Variants in RIC1 observed in about 807,000 individuals in gnomAD.
RIC1 encodes guanine nucleotide exchange factor subunit RIC1.
RIC1 carries 88 observed loss-of-function variants against 169.0 expected under a neutral mutation model. The ratio of observed to expected loss-of-function variants is 0.52; its 90% CI spans 0.44 to 0.62. The LOEUF is 0.62. Among genes scored for constraint, RIC1 ranks in the 20% least tolerant of loss-of-function variants. The pLI, the probability that RIC1 is intolerant of heterozygous loss-of-function variation, is 0.00. For synonymous variants in RIC1, 790 were observed against 601.5 expected (o/e 1.31, Z -4.59); for missense variants, 1,877 against 1,725.5 (o/e 1.09, Z -1.56).
intron 3 of RIC1, among the ~76,000 whole-genome samples, chr9:5,705,347 T>C (rs1586983579): frequency 6.6e-6 from 1 of 152,136 alleles, no homozygotes; most frequent in South Asian, 2.1e-4. Context: ...CTTAATTTAT[T>C]TACGCATACA....
At chr9:5,726,715 T>C (rs1020329115) in intron 6 of RIC1, among the ~76,000 whole-genome samples, 1 of 152,242 alleles carries the variant, frequency 6.6e-6, no homozygotes, top group African/African-American at 2.4e-5. Flanking sequence ...CCATATTTAG[T>C]GCTTCCTTCA....
chr9:5,629,330 G>A lies in RIC1; in HGVS notation c.21G>A (p.Trp7Ter). 6.5e-7 allele frequency: 1 copy of A among 1,529,510 alleles called. No individual in the cohort carries two copies. Among genetic ancestry groups the A allele is most frequent in the East Asian group, 2.5e-5 (1 of 40,072 alleles). The allele number at this position is 1,529,510 out of a possible 1,614,324, so 94.7% of individuals were successfully genotyped here. The change falls in exon 1 of 26, where the codon TGG becomes TGA. Residue 7 changes from tryptophan (W) to a stop codon, truncating the protein, a stop_gained. Coordinates refer to ENST00000414202, the MANE Select transcript of RIC1 (RefSeq NM_020829.4). LOFTEE classifies it high-confidence loss of function. ...GGACCATGTATTTTCTGAGCGGCTG[G>A]CCCAAGAGGCTGCTGTGCCCTCTGG... MYFLSG[W>*]PKRLLCPLGS... is the part of the protein sequence containing the mutation.
intron 2 of RIC1, among the ~76,000 whole-genome samples, chr9:5,661,836 T>G (rs1819469815): frequency 6.6e-6 from 1 of 152,200 alleles, no homozygotes; most frequent in Non-Finnish European, 1.5e-5. Context: ...TTCTCTTGCC[T>G]GATTGCCCCA....
chr9:5,750,601 T>A (rs2131021318), intron 12 of RIC1, among the ~76,000 whole-genome samples: 1 of 151,824 alleles, frequency 6.6e-6, no homozygotes, highest in South Asian at 2.1e-4. Flanking sequence ...TTTAGCAGAG[T>A]TACTTTAAAA....
chr9:5,736,001 C>A (rs919590607), intron 7 of RIC1, among the ~76,000 whole-genome samples: 1 of 152,088 alleles, frequency 6.6e-6, no homozygotes, highest in African/African-American at 2.4e-5. Context: ...TTACATTGGG[C>A]TGGTGAGAAA....
At chr9:5,714,543 T>A (rs1183593292) in intron 4 of RIC1, among the ~76,000 whole-genome samples, 2 of 152,234 alleles carry the variant, frequency 1.3e-5, no homozygotes, top group East Asian at 3.8e-4. Context: ...CCACTATTGA[T>A]GTTTTAGTTG....
rs758846599 is a variant in RIC1 at position 5,720,667 on chromosome 9, G to A, written c.637G>A (p.Ala213Thr). 1.2e-6 allele frequency: 2 copies of A among 1,612,214 alleles called. No homozygotes were observed. The highest frequency in any genetic ancestry group is 8.5e-7 in the Non-Finnish European group (1 of 1,179,036). Reference sequence around the variant, plus strand: ...ACACATCAGAGACATGGAATACTGTGCCACACTTGATGGGTTTGCTGTTGT... The same window carrying A: ...ACACATCAGAGACATGGAATACTGTACCACACTTGATGGGTTTGCTGTTGT... ...DVHIRDMEYC[A>T]TLDGFAVVFN... The change falls in exon 6 of 26, where the codon GCC (alanine) becomes ACC (threonine). Residue 213 changes from alanine to threonine, a missense_variant. By Grantham distance (58) the Ala-to-Thr change is moderately conservative. This residue lies in a region of RIC1 where 1,104 missense variants were observed against 992.0 expected (regional missense o/e 1.11). Coordinates refer to ENST00000414202, the MANE Select transcript of RIC1 (RefSeq NM_020829.4).
intron 1 of RIC1, among the ~76,000 whole-genome samples, chr9:5,639,165 C>G (rs1044288829): frequency 6.6e-5 from 10 of 152,290 alleles, no homozygotes; most frequent in African/African-American, 2.2e-4. Context: ...CCTCGGCTCC[C>G]AAAGTGCTAG....
intron 2 of RIC1, among the ~76,000 whole-genome samples, chr9:5,671,983 C>G (rs192810430): frequency 3.9e-5 from 6 of 152,284 alleles, no homozygotes; most frequent in Non-Finnish European, 7.3e-5. Context: ...CAGGGCTTCC[C>G]ATAAAACTCT....
chr9:5,762,713 G>C (rs562840571), intron 18 of RIC1, 53 bp downstream of exon 18: 3 of 1,569,582 alleles, frequency 1.9e-6, no homozygotes, highest in African/African-American at 1.4e-5. Flanking sequence ...TATGGGATGA[G>C]GATGAAGGAA....
At chr9:5,746,111 TAG>T in intron 11 of RIC1, 28 bp downstream of exon 11, 5 of 1,575,080 alleles carry the variant, frequency 3.2e-6, no homozygotes, top group Non-Finnish European at 4.3e-6. Context: ...TCTGATTTTT[TAG>T]TGTCTTTTGT....
In RIC1 at chr9:5,775,729, C is replaced by G. The variant is rs556051330; in HGVS notation, c.*1483C>G. ...TGAAACTGCTTAGTTCAGAATACATCGAAGTATTTAAAATTACTGAGTTGG... is the reference window on the plus strand; with the variant it reads ...TGAAACTGCTTAGTTCAGAATACATGGAAGTATTTAAAATTACTGAGTTGG... On this transcript the variant is annotated 3_prime_UTR_variant, in exon 26 of 26. Coordinates refer to ENST00000414202, the MANE Select transcript of RIC1 (RefSeq NM_020829.4). 6.6e-6 allele frequency: 1 copy of G among 152,240 alleles called. No homozygotes were observed. The highest frequency in any genetic ancestry group is 6.5e-5 in the Admixed American group (1 of 15,286). The allele number at this position is 152,240 out of a possible 1,614,324, so 9.4% of individuals were successfully genotyped here.
At chr9:5,758,741 T>G (rs112348293) in intron 17 of RIC1, among the ~76,000 whole-genome samples, 2,262 of 120,768 alleles carry the variant, frequency 0.019, 16 homozygotes, top group Non-Finnish European at 0.026. Flanking sequence ...TTTTTTTTTT[T>G]GTCCTTTTTT....
At chr9:5,771,896 T>C (rs1490465614) in intron 23 of RIC1, among the ~76,000 whole-genome samples, 2 of 152,134 alleles carry the variant, frequency 1.3e-5, no homozygotes, top group Non-Finnish European at 2.9e-5. Flanking sequence ...CTGAAGAAAA[T>C]CCATGACATA....
At chr9:5,669,533 G>T (rs930156392) in intron 2 of RIC1, among the ~76,000 whole-genome samples, 10 of 152,282 alleles carry the variant, frequency 6.6e-5, no homozygotes, top group African/African-American at 2.4e-4. Context: ...TCCACTTGTT[G>T]ATTGATGGGC....
At chr9:5,666,456 T>C (rs1012806857) in intron 2 of RIC1, among the ~76,000 whole-genome samples, 2 of 152,196 alleles carry the variant, frequency 1.3e-5, no homozygotes, top group African/African-American at 4.8e-5. Flanking sequence ...GGTATCCTTA[T>C]CTTGTTCTTG....
intron 3 of RIC1, chr9:5,712,732 G>A (rs1823008268): frequency 6.6e-6 from 1 of 152,170 alleles, no homozygotes. Context: ...AATCATCACA[G>A]ACTGTGTGTT....
rs150928553 is a variant in RIC1 at position 5,731,686 on chromosome 9, T to G, written c.721-702T>G. On this transcript the variant is annotated intron_variant, in intron 6 of 25. Coordinates refer to ENST00000414202, the MANE Select transcript of RIC1 (RefSeq NM_020829.4). ...AGATGGCATATGGAAATAGCATATA[T>G]GCTTACTAATAATGTCATTTATTTA... Among the ~76,000 whole-genome samples the G allele has an allele frequency of 2.6e-3, 402 of 152,316 alleles. 4 individuals are homozygous for G. Among genetic ancestry groups the G allele is most frequent in the African/African-American group, 9.0e-3 (375 of 41,592 alleles).
intron 23 of RIC1, 128 bp downstream of exon 23, chr9:5,770,406 G>T (rs1003848314): frequency 3.6e-6 from 3 of 836,008 alleles, no homozygotes; most frequent in Admixed American, 3.1e-5. Context: ...ATCCACTGGA[G>T]AGGTAGAAAG....
Sources: gnomAD v4.1 joint callset for allele counts (sites outside exome capture counted in the v4.1 genomes callset) on GRCh38, gnomAD v4.1.1 for gene constraint, gnomAD v4.1.1 regional missense constraint, MANE v1.5 for transcripts, NCBI Gene and HGNC (gene_info 2026-07-23, HGNC 2026-07-21) for gene names.